Variants in CEP290 observed in about 807,000 individuals in gnomAD.
CEP290 encodes centrosomal protein 290, also known as centrosomal protein of 290 kDa.
Under a neutral mutation model 344.9 loss-of-function variants are expected in CEP290, and 317 were observed. The ratio of observed to expected loss-of-function variants is 0.92; its 90% CI spans 0.84 to 1.01. CEP290 has a LOEUF of 1.01. Ranked by LOEUF, CEP290 falls within the 50% of genes least tolerant of loss-of-function variation. The probability of loss-of-function intolerance (pLI) is 0.00; values close to 1 mark genes in which losing one functional copy is unlikely to be tolerated. For missense variants in CEP290, 2,754 were observed against 2,761.4 expected (o/e 1.00, Z 0.06); for synonymous variants, 932 against 895.8 (o/e 1.04, Z -0.72).
intron 41 of CEP290, 94 bp downstream of exon 41, chr12:88,077,128 A>T (rs1440459032): frequency 8.3e-7 from 1 of 1,198,864 alleles, no homozygotes; most frequent in African/African-American, 1.6e-5. Context: ...CCAGGTCATC[A>T]AATTAAGGCA....
In CEP290 at chr12:88,054,390, A is replaced by G. The variant is rs1288685416; in HGVS notation, c.6984T>C (p.Pro2328=). The G allele has an allele frequency of 1.2e-6, 2 of 1,611,682 alleles. No homozygotes were observed. Among genetic ancestry groups the G allele is most frequent in the South Asian group, 2.2e-5 (2 of 90,612 alleles). Residue 2328 remains proline, a synonymous_variant, in exon 51 of 54, where the codon CCT becomes CCC. Coordinates refer to ENST00000552810, the MANE Select transcript of CEP290 (RefSeq NM_025114.4). The stretch of plus-strand genomic sequence containing the variant: ...GGCCTTGCTCTGTCTCAGCACCTTC[A>G]GGAACATGTTTAAGAATCTTAATCT... ...EQQIKILKHV[P]EGAETEQGLK...
intron 38 of CEP290, 49 bp downstream of exon 38, chr12:88,080,133 T>C: frequency 1.7e-6 from 2 of 1,204,114 alleles, no homozygotes; most frequent in Non-Finnish European, 2.3e-6. Context: ...CTAAAAGCAA[T>C]CTACCACATA....
chr12:88,080,511 C>G, intron 37 of CEP290, 116 bp from the exon 38 acceptor site: 1 of 666,582 alleles, frequency 1.5e-6, no homozygotes, highest in Non-Finnish European at 2.4e-6. Context: ...CTGACTGCAA[C>G]CTCTGCCTCC....
intron 29 of CEP290, among the ~76,000 whole-genome samples, chr12:88,091,776 C>T (rs1479012044): frequency 5.9e-5 from 9 of 151,968 alleles, no homozygotes; most frequent in Non-Finnish European, 1.3e-4. Context: ...TATGAGTAGG[C>T]CATAAAATAT....
chr12:88,068,498 A>T (rs1238566411), intron 44 of CEP290, 24 bp downstream of exon 44: 10 of 1,383,406 alleles, frequency 7.2e-6, no homozygotes, highest in Non-Finnish European at 9.5e-6. Context: ...AAAAAGAAAA[A>T]AATAATAAAA....
chr12:88,050,990 G>A (rs1027417158), intron 52 of CEP290, among the ~76,000 whole-genome samples: 1 of 152,006 alleles, frequency 6.6e-6, no homozygotes, highest in African/African-American at 2.4e-5. Context: ...CTAATTTATT[G>A]GATTCACCCT....
Position 88,055,636 on chromosome 12 carries a change from T to C in CEP290, c.6900A>G (p.Val2300=), listed in dbSNP as rs1321239350. 1.3e-6 allele frequency: 2 copies of C among 1,575,504 alleles called. No individual in the cohort carries two copies. The highest frequency in any genetic ancestry group is 1.2e-5 in the South Asian group (1 of 84,806). The part of the protein sequence containing the change: ...NQSITDLKQL[V]KEATEREQKV... The stretch of plus-strand genomic sequence containing the variant: ...TTTGTTCTCTCTCTGTTGCTTCTTT[T>C]ACAAGCTGTTTAAGGTCAGTAATGC... The change falls in exon 50 of 54, where the codon GTA becomes GTG. Residue 2300 remains valine, a synonymous_variant. Coordinates refer to ENST00000552810, the MANE Select transcript of CEP290 (RefSeq NM_025114.4).
chr12:88,116,113 G>T (rs1277885870), intron 18 of CEP290: 1 of 967,770 alleles, frequency 1.0e-6, no homozygotes, highest in Non-Finnish European at 1.2e-6. Flanking sequence ...GATAAGCCAT[G>T]AAAAGATGAA....
intron 6 of CEP290, chr12:88,136,329 C>A: frequency 3.6e-6 from 1 of 279,538 alleles, no homozygotes; most frequent in South Asian, 4.7e-5. Context: ...AAGATCACTT[C>A]TTTATGAAAA....
At chr12:88,055,302 T>C (rs374971975) in intron 50 of CEP290, among the ~76,000 whole-genome samples, 2 of 152,204 alleles carry the variant, frequency 1.3e-5, no homozygotes, top group African/African-American at 2.4e-5. Flanking sequence ...ACAAGACTGG[T>C]AGTGATGTCT....
intron 5 of CEP290, among the ~76,000 whole-genome samples, chr12:88,136,987 T>C (rs1401310159): frequency 6.6e-6 from 1 of 152,140 alleles, no homozygotes. Flanking sequence ...ACTCCTTAAA[T>C]TTTTCCTGAG....
In CEP290 at chr12:88,089,257, C is replaced by T; in HGVS notation, c.3804G>A (p.Gln1268=). 1 of 1,613,962 alleles carries T rather than the reference C, an allele frequency of 6.2e-7. No individual in the cohort carries two copies. The change falls in exon 31 of 54, where the codon CAG becomes CAA. Residue 1268 remains glutamine (Q), a synonymous_variant. Coordinates refer to ENST00000552810, the MANE Select transcript of CEP290 (RefSeq NM_025114.4). ...CTCCACTAAACTGTCGTCGTAGAGA[C>T]TGAATTGTTTGGCGCAGATGTTTTG... The part of the protein sequence containing the change: ...NRAKHLRQTI[Q]SLRRQFSGAL...
At chr12:88,093,102 T>C (rs186590712) in intron 28 of CEP290, among the ~76,000 whole-genome samples, 125 of 152,260 alleles carry the variant, frequency 8.2e-4, no homozygotes, top group Admixed American at 1.6e-3. Flanking sequence ...TGCAATATTC[T>C]TACTTTGCTT....
At chr12:88,115,615 C>G (rs1310909384) in intron 18 of CEP290, 1 of 1,150,418 alleles carries the variant, frequency 8.7e-7, no homozygotes, top group Non-Finnish European at 1.2e-6. Context: ...GAGTTCATAT[C>G]AATGTACTGC....
At chr12:88,077,121 G>A in intron 41 of CEP290, 101 bp downstream of exon 41, 1 of 1,086,808 alleles carries the variant, frequency 9.2e-7, no homozygotes, top group Non-Finnish European at 1.3e-6. Context: ...AATACAGCCA[G>A]GTCATCAAAT....
chr12:88,118,563 C>G lies in CEP290; in HGVS notation c.1631G>C (p.Ser544Thr), dbSNP rs1565897246. Reference sequence around the variant, plus strand: ...CAGATCAAGTCGTTCTTCCTCTAGACTTTCAATCTGCAAAGTATAAATTAT... The same window carrying G: ...CAGATCAAGTCGTTCTTCCTCTAGAGTTTCAATCTGCAAAGTATAAATTAT... ...ENQILLKEIESLEEERLDLKK... is the reference protein window; with the variant it reads ...ENQILLKEIETLEEERLDLKK... The change falls in exon 17 of 54, where the codon AGT becomes ACT. Residue 544 changes from serine (S) to threonine (T), a missense_variant. Coordinates refer to ENST00000552810, the MANE Select transcript of CEP290 (RefSeq NM_025114.4). The G allele has an allele frequency of 6.3e-7, 1 of 1,598,404 alleles. No homozygotes were observed. Among genetic ancestry groups the G allele is most frequent in the Admixed American group, 1.7e-5 (1 of 57,350 alleles).
chr12:88,122,112 CAA>C (rs2039440089), intron 13 of CEP290, among the ~76,000 whole-genome samples: 1 of 152,020 alleles, frequency 6.6e-6, no homozygotes, highest in Admixed American at 6.6e-5. Context: ...TTTGAGATCA[CAA>C]AAGTTTTTAA....
chr12:88,099,859 C>G (rs1395614567), intron 26 of CEP290, among the ~76,000 whole-genome samples: 1 of 151,818 alleles, frequency 6.6e-6, no homozygotes, highest in Non-Finnish European at 1.5e-5. Flanking sequence ...ATCTCTTTTT[C>G]TCCCACCTAC....
chr12:88,116,788 A>C (rs2039066685), intron 18 of CEP290, among the ~76,000 whole-genome samples: 1 of 151,656 alleles, frequency 6.6e-6, no homozygotes, highest in Non-Finnish European at 1.5e-5. Context: ...TCCCGGCTAA[A>C]ACGGTGAAAC....
Sources: allele counts gnomAD v4.1 joint callset (sites outside exome capture counted in the v4.1 genomes callset), GRCh38; gene constraint gnomAD v4.1.1; transcripts MANE v1.5; gene names NCBI Gene and HGNC (gene_info 2026-07-23, HGNC 2026-07-21).